VPS13D: variants seen among roughly 807,000 people sequenced by gnomAD.
VPS13D encodes vacuolar protein sorting 13 homolog D, also known as intermembrane lipid transfer protein VPS13D.
A neutral mutation model predicts 461.9 loss-of-function variants in VPS13D; 187 were observed. The observed-to-expected ratio is 0.40, with a 90% CI of 0.36 to 0.46. The LOEUF (loss-of-function observed/expected upper bound fraction) is 0.46, where lower values mean the gene tolerates loss of function less well. Among genes scored for constraint, VPS13D ranks in the 20% least tolerant of loss-of-function variants. The pLI is 0.60. For missense variants in VPS13D, 4,711 were observed against 5,364.9 expected (o/e 0.88, Z 3.81); for synonymous variants, 1,951 against 1,986.3 (o/e 0.98, Z 0.47).
intron 65 of VPS13D, among the ~76,000 whole-genome samples, chr1:12,449,891 G>A (rs1645239775): frequency 6.6e-6 from 1 of 152,160 alleles, no homozygotes; most frequent in Non-Finnish European, 1.5e-5. Context: ...TCGTGGGGCC[G>A]AGGTAGGCAG....
intron 24 of VPS13D, 100 bp downstream of exon 24, chr1:12,293,804 C>G (rs947117823): frequency 3.2e-6 from 4 of 1,249,064 alleles, no homozygotes; most frequent in African/African-American, 1.5e-5. Flanking sequence ...GGTAAGTTAT[C>G]CTTGCTAATA....
chr1:12,425,597 G>A (rs974267327), intron 65 of VPS13D, among the ~76,000 whole-genome samples: 19 of 151,624 alleles, frequency 1.3e-4, no homozygotes, highest in Middle Eastern at 3.4e-3. Context: ...TGTGAAGAGT[G>A]TAGCCATCAT....
chr1:12,419,693 T>G (rs1458858695), intron 65 of VPS13D, among the ~76,000 whole-genome samples: 1 of 152,170 alleles, frequency 6.6e-6, no homozygotes, highest in African/African-American at 2.4e-5. Flanking sequence ...TCCACCCTTG[T>G]AATCCACATA....
chr1:12,489,550 A>T (rs1645847694), intron 67 of VPS13D, among the ~76,000 whole-genome samples: 1 of 152,248 alleles, frequency 6.6e-6, no homozygotes, highest in African/African-American at 2.4e-5. Context: ...TAGAATGTTA[A>T]CAAGAAAGCA....
chr1:12,354,265 A>AT (rs750881336), intron 47 of VPS13D, 44 bp downstream of exon 47: 1 of 1,602,838 alleles, frequency 6.2e-7, no homozygotes, highest in East Asian at 2.2e-5. Context: ...TCCTATGAAA[A>AT]TATCAATGAG....
chr1:12,478,375 G>C (rs1645663817), intron 67 of VPS13D, among the ~76,000 whole-genome samples: 1 of 152,262 alleles, frequency 6.6e-6, no homozygotes, highest in Non-Finnish European at 1.5e-5. Flanking sequence ...ATCTGAAAGG[G>C]GGAGGTTCTG....
At chr1:12,332,531 TAAGA>T (rs1008069386) in intron 37 of VPS13D, among the ~76,000 whole-genome samples, 1 of 152,184 alleles carries the variant, frequency 6.6e-6, no homozygotes, top group Non-Finnish European at 1.5e-5. Context: ...TAAATGTTCT[TAAGA>T]AAGGTATATA....
chr1:12,259,713 A>G (rs564169983), intron 10 of VPS13D, among the ~76,000 whole-genome samples: 1 of 152,354 alleles, frequency 6.6e-6, no homozygotes, highest in African/African-American at 2.4e-5. Flanking sequence ...TCTTAATGTT[A>G]TGGTGTAAGA....
chr1:12,496,289 G>A (rs1395871508), intron 67 of VPS13D, among the ~76,000 whole-genome samples: 2 of 152,194 alleles, frequency 1.3e-5, no homozygotes, highest in Non-Finnish European at 2.9e-5. Flanking sequence ...AAGGTATGGG[G>A]CTGTCCTTCA....
At chr1:12,304,448 C>G in intron 25 of VPS13D, 58 bp from the exon 26 acceptor site, 1 of 1,484,614 alleles carries the variant, frequency 6.7e-7, no homozygotes. Flanking sequence ...AGAGTCCCAC[C>G]ACCAGTGCTG....
At chr1:12,294,918 T>G (rs557411560) in intron 24 of VPS13D, among the ~76,000 whole-genome samples, 1 of 152,102 alleles carries the variant, frequency 6.6e-6, no homozygotes, top group Admixed American at 6.5e-5. Flanking sequence ...CGTGTTATTT[T>G]TCCTTTTTTA....
At chr1:12,506,824 C>T (rs1284682395) in intron 68 of VPS13D, 29 bp from the exon 69 acceptor site, 2 of 1,606,032 alleles carry the variant, frequency 1.2e-6, no homozygotes, top group Admixed American at 1.7e-5. Context: ...CCCCAGGTGT[C>T]ACTCCTGTGT....
intron 52 of VPS13D, among the ~76,000 whole-genome samples, chr1:12,366,344 G>C (rs774579818): frequency 1.3e-5 from 2 of 152,112 alleles, no homozygotes; most frequent in Non-Finnish European, 2.9e-5. Context: ...ATGTTTTTAG[G>C]AGCTGTTGGG....
At chr1:12,499,571 C>T (rs1041545523) in intron 68 of VPS13D, 159 of 985,212 alleles carry the variant, frequency 1.6e-4, no homozygotes, top group Non-Finnish European at 1.9e-4. Context: ...AAACTGGAAT[C>T]GAAATGAAAT....
At chr1:12,466,066 C>T (rs998516937) in intron 67 of VPS13D, among the ~76,000 whole-genome samples, 5 of 151,234 alleles carry the variant, frequency 3.3e-5, no homozygotes, top group East Asian at 1.9e-4. Flanking sequence ...ACCCGGGAGG[C>T]GGAGGTTGCA....
intron 46 of VPS13D, among the ~76,000 whole-genome samples, chr1:12,350,092 C>T (rs1643762352): frequency 6.6e-6 from 1 of 152,134 alleles, no homozygotes; most frequent in African/African-American, 2.4e-5. Context: ...ACATCAAATA[C>T]ATAGCTGGAG....
In VPS13D at chr1:12,341,875, A is replaced by T. The variant is rs184253678; in HGVS notation, c.8722A>T (p.Thr2908Ser). The T allele has an allele frequency of 1.1e-4, 175 of 1,613,966 alleles. No homozygotes were observed. The East Asian group carries it at 3.3e-3, about 31-fold the overall frequency. Residue 2908 changes from threonine to serine, a missense_variant, in exon 41 of 70, where the codon ACA becomes TCA. Thr to Ser is a moderately conservative substitution (Grantham distance 58). Transcript: ENST00000620676. Reference sequence around the variant, plus strand: ...TTTGTGGTTTGCCACCCTGACCACCACACCCACCAGGTAAGCAGTCAGTTT... The same window carrying T: ...TTTGTGGTTTGCCACCCTGACCACCTCACCCACCAGGTAAGCAGTCAGTTT... ...CTLWFATLTTTPTRAALSHSG... is the reference protein window; with the variant it reads ...CTLWFATLTTSPTRAALSHSG...
intron 57 of VPS13D, among the ~76,000 whole-genome samples, chr1:12,381,923 TTTC>T (rs1405867121): frequency 2.9e-4 from 10 of 33,914 alleles, no homozygotes; most frequent in Admixed American, 3.1e-4. Context: ...TTTCTTTTCT[TTTC>T]TTTCTTTCTT....
In VPS13D at chr1:12,509,270, CAT is replaced by C. The variant is rs1383508201; in HGVS notation, c.*247_*248del. ...GTATTGGTTAAATAACGTTTAAAAA[CAT>C]GTACTGAGATGAATCTAATTTTTAG... On this transcript the variant is annotated 3_prime_UTR_variant, in exon 70 of 70. Transcript: ENST00000620676. The C allele has an allele frequency of 6.3e-6, 3 of 474,544 alleles. No homozygotes were observed. The highest frequency in any genetic ancestry group is 3.7e-5 in the East Asian group (1 of 26,902). 29.4% of individuals were successfully genotyped at this position (474,544 alleles called of 1,614,324 possible). A position where few individuals can be genotyped will look rare whatever the true frequency, so the allele number is the denominator to read the frequency against.
Sources: gnomAD v4.1 joint callset for allele counts (sites outside exome capture counted in the v4.1 genomes callset) on GRCh38, gnomAD v4.1.1 for gene constraint, MANE v1.5 for transcripts, NCBI Gene and HGNC (gene_info 2026-07-23, HGNC 2026-07-21) for gene names.